Variants in PRPF31 observed in about 807,000 individuals in gnomAD.
The protein encoded by PRPF31 is U4/U6 small nuclear ribonucleoprotein Prp31.
Under a neutral mutation model 60.4 loss-of-function variants are expected in PRPF31, and 12 were observed. The observed-to-expected ratio is 0.20, with a 90% CI of 0.13 to 0.32. The LOEUF (loss-of-function observed/expected upper bound fraction) is 0.32. Ranked by LOEUF, PRPF31 falls within the 10% of genes least tolerant of loss-of-function variation. PRPF31 has a pLI of 1.00. For missense variants in PRPF31, 431 were observed against 687.1 expected (o/e 0.63, Z 4.17); for synonymous variants, 287 against 287.9 (o/e 1.00, Z 0.03).
chr19:54,127,673 G>A (rs1045915286), intron 9 of PRPF31, among the ~76,000 whole-genome samples: 1 of 152,186 alleles, frequency 6.6e-6, no homozygotes, highest in Non-Finnish European at 1.5e-5. Context: ...AGATGTACTC[G>A]GGAGAGGAGA....
Position 54,126,395 on chromosome 19 carries a change from C to T in PRPF31, c.856-133C>T, listed in dbSNP as rs1156510149. ...AAGTAGGAGCTGAGAGCACACACCT[C>T]TAGAGCCCAAGGGTGGAAAGCCCCC... On this transcript the variant is annotated intron_variant, in intron 8 of 13. Transcript: ENST00000321030. The T allele has an allele frequency of 1.6e-5, 13 of 801,840 alleles. No individual in the cohort carries two copies. The Admixed American group carries it at 1.8e-4, about 11-fold the overall frequency. The allele number at this position is 801,840 out of a possible 1,614,324, so 49.7% of individuals were successfully genotyped here.
At position 54,128,035 on chromosome 19, in the gene PRPF31, C is replaced by G. The variant is rs587680646; in HGVS notation, c.946-38C>G. On this transcript the variant is annotated intron_variant, in intron 9 of 13. Transcript: ENST00000321030. ...AGAGGAGGCCTGGGTGGGCAGCCCA[C>G]GCGAGCAGCTGCAGGACCTCCCCCT... 3.6e-5 allele frequency: 55 copies of G among 1,548,168 alleles called. No individual in the cohort carries two copies. In the African/African-American group the frequency reaches 5.6e-4, roughly 16 times the overall value.
chr19:54,126,845 G>A (rs1345267710), intron 9 of PRPF31, among the ~76,000 whole-genome samples: 3 of 152,192 alleles, frequency 2.0e-5, no homozygotes, highest in Admixed American at 1.3e-4. Flanking sequence ...AACAGTGCAG[G>A]TGTGGCCGGG....
At chr19:54,115,939 G>A (rs1331930977) in intron 1 of PRPF31, 142 bp downstream of exon 1, 2 of 165,384 alleles carry the variant, frequency 1.2e-5, no homozygotes, top group African/African-American at 4.8e-5. Flanking sequence ...GTCTCGTTCT[G>A]TTGCCCAGGT....
At chr19:54,130,701 C>A (rs113539859) in intron 13 of PRPF31, among the ~76,000 whole-genome samples, 1 of 151,820 alleles carries the variant, frequency 6.6e-6, no homozygotes, top group African/African-American at 2.4e-5. Flanking sequence ...GGGAGGCTCT[C>A]GTTTCGGAGC....
chr19:54,131,206 AG>A, intron 13 of PRPF31, 100 bp from the exon 14 acceptor site: 1 of 1,503,310 alleles, frequency 6.7e-7, no homozygotes, highest in Non-Finnish European at 9.2e-7. Context: ...ATGCCCACCA[AG>A]GCCTGAGTGC....
At chr19:54,130,453 G>A (rs1224984009) in intron 13 of PRPF31, among the ~76,000 whole-genome samples, 1 of 152,012 alleles carries the variant, frequency 6.6e-6, no homozygotes, top group Non-Finnish European at 1.5e-5. Flanking sequence ...GTGAAACCCC[G>A]TCTCTACTAA....
At chr19:54,120,610 TTTTG>T (rs1343964164) in intron 3 of PRPF31, among the ~76,000 whole-genome samples, 5 of 152,054 alleles carry the variant, frequency 3.3e-5, no homozygotes, top group East Asian at 3.9e-4. Flanking sequence ...CACAACATCT[TTTTG>T]TTTGTTTGTT....
chr19:54,123,729 G>A lies in PRPF31; in HGVS notation c.528-20G>A. ...AGGCAGGCGGGAGACCCAGGAGGCT[G>A]GGCCCACCCGCCCCTGCAGGCAGCA... On this transcript the variant is annotated intron_variant, in intron 6 of 13. Transcript: ENST00000321030. The A allele has an allele frequency of 6.2e-7, 1 of 1,602,022 alleles. No individual in the cohort carries two copies. Among genetic ancestry groups the A allele is most frequent in the Non-Finnish European group, 8.5e-7 (1 of 1,176,306 alleles).
chr19:54,123,519 C>T lies in PRPF31; in HGVS notation c.486C>T (p.Ala162=). The change falls in exon 6 of 14, where the codon GCC becomes GCT. Residue 162 remains alanine (A), a synonymous_variant. Coordinates refer to ENST00000321030, the MANE Select transcript of PRPF31 (RefSeq NM_015629.4). ...NENLQQILTN[A]TIMVVSVTAS... is the part of the protein sequence containing the mutation. ...ACCTGCAGCAGATCCTCACCAATGC[C>T]ACCATCATGGTCGTCAGCGTCACCG... 6.2e-7 allele frequency: 1 copy of T among 1,614,216 alleles called. No homozygotes were observed. The highest frequency in any genetic ancestry group is 8.5e-7 in the Non-Finnish European group (1 of 1,180,036).
rs587768415 is a variant in PRPF31, at chr19:54,131,704, A to T, written c.*272A>T. On this transcript the variant is annotated 3_prime_UTR_variant, in exon 14 of 14. Transcript: ENST00000321030. ...TTGAAAAGAGTACAATTAAAAGGAC[A>T]TTGTCAAGATCTGTCCTTGGGGAGT... 1.8e-6 allele frequency: 1 copy of T among 554,912 alleles called. No homozygotes were observed. Among genetic ancestry groups the T allele is most frequent in the South Asian group, 2.0e-5 (1 of 49,834 alleles). 34.4% of individuals were successfully genotyped at this position (554,912 alleles called of 1,614,324 possible). A position where few individuals can be genotyped will look rare whatever the true frequency, so the allele number is the denominator to read the frequency against.
Position 54,123,891 on chromosome 19 carries a change from G to C in PRPF31, c.670G>C (p.Gly224Arg). The C allele has an allele frequency of 1.2e-6, 2 of 1,613,920 alleles. No individual in the cohort carries two copies. The highest frequency in any genetic ancestry group is 1.1e-5 in the South Asian group (1 of 91,092). The change falls in exon 7 of 14, where the codon GGG becomes CGG. Residue 224 changes from glycine to arginine, a missense_variant. Physicochemically the swap from Gly to Arg is moderately radical, Grantham distance 125 (BLOSUM62 -2). This residue lies in a region of PRPF31 where 314 missense variants were observed against 475.3 expected (regional missense o/e 0.66). Coordinates refer to ENST00000321030, the MANE Select transcript of PRPF31 (RefSeq NM_015629.4). Reference sequence around the variant, plus strand: ...CGCACCCAACCTGTCCATCATTATCGGGGCATCCACGGCCGCCAAGATCAT... The same window carrying C: ...CGCACCCAACCTGTCCATCATTATCCGGGCATCCACGGCCGCCAAGATCAT... ...FIAPNLSIII[G>R]ASTAAKIMGV...
intron 3 of PRPF31, 46 bp downstream of exon 3, chr19:54,118,679 G>C (rs2073711880): frequency 1.9e-6 from 3 of 1,600,258 alleles, no homozygotes; most frequent in South Asian, 1.1e-5. Flanking sequence ...TGTCTCTCCT[G>C]CCAGGCCCCC....
intron 5 of PRPF31, 50 bp downstream of exon 5, chr19:54,122,644 G>T (rs768856481): frequency 6.7e-7 from 1 of 1,483,726 alleles, no homozygotes; most frequent in Non-Finnish European, 9.4e-7. Flanking sequence ...GGGGCAGGCG[G>T]GGCTCACTCT....
Position 54,124,484 on chromosome 19 carries a change from TC to T in PRPF31, c.698-12del. ...CTTCTGACCGCCCCCCCTTCCTCCC[TC>T]CCTCCCACCGCAGGTGTGGCCGGCG... On this transcript the variant is annotated splice_polypyrimidine_tract_variant and intron_variant, in intron 7 of 13. Coordinates refer to ENST00000321030, the MANE Select transcript of PRPF31 (RefSeq NM_015629.4). The T allele has an allele frequency of 7.5e-7, 1 of 1,338,096 alleles. No homozygotes were observed. The allele number at this position is 1,338,096 out of a possible 1,614,324, so 82.9% of individuals were successfully genotyped here.
At chr19:54,126,442 C>G in intron 8 of PRPF31, 86 bp from the exon 9 acceptor site, 1 of 1,318,362 alleles carries the variant, frequency 7.6e-7, no homozygotes, top group Admixed American at 2.0e-5. Context: ...CAGGTAGAGC[C>G]AGAGGAGGAG....
At chr19:54,126,669 GGT>G in intron 9 of PRPF31, 52 bp downstream of exon 9, 1 of 1,545,020 alleles carries the variant, frequency 6.5e-7, no homozygotes, top group Non-Finnish European at 8.9e-7. Flanking sequence ...CTGGGCCTGG[GGT>G]GTCTCTGCAG....
At chr19:54,128,526 G>C in intron 11 of PRPF31, 149 bp downstream of exon 11, 1 of 843,324 alleles carries the variant, frequency 1.2e-6, no homozygotes, top group Non-Finnish European at 1.9e-6. Flanking sequence ...CTCTATTCTC[G>C]TTTCCATCCG....
chr19:54,128,913 C>G, intron 11 of PRPF31, 144 bp from the exon 12 acceptor site: 2 of 852,384 alleles, frequency 2.3e-6, no homozygotes, highest in Non-Finnish European at 3.8e-6. Context: ...CAGGCCTCAG[C>G]CGGGCCGAGT....
Sources: allele counts gnomAD v4.1 joint callset (sites outside exome capture counted in the v4.1 genomes callset), GRCh38; gene constraint gnomAD v4.1.1; regional missense constraint gnomAD v4.1.1; transcripts MANE v1.5; gene names NCBI Gene and HGNC (gene_info 2026-07-23, HGNC 2026-07-21).